The following ZC4H2 variants were observed in gnomAD, a reference collection of about 807,000 sequenced individuals.
ZC4H2 encodes the protein zinc finger C4H2-type containing.
For missense variants in ZC4H2, 137 were observed against 173.9 expected (o/e 0.79, Z 1.19); for synonymous variants, 84 against 66.3 (o/e 1.27, Z -1.30).
intron 1 of ZC4H2, among the ~76,000 whole-genome samples, chrX:64,999,469 C>T (rs993718078): frequency 8.0e-5 from 9 of 112,436 alleles, no homozygotes; most frequent in Non-Finnish European, 1.3e-4. Context: ...CCCTTGGGTG[C>T]CTATGCCACC....
intron 1 of ZC4H2, among the ~76,000 whole-genome samples, chrX:64,959,578 T>G (rs999180803): frequency 1.8e-5 from 2 of 108,903 alleles, no homozygotes; most frequent in African/African-American, 6.7e-5. Context: ...TGGTCTGAGT[T>G]CTTCTTCATA....
rs753470726 is a variant in ZC4H2, at chrX:64,921,957, C to A, written c.85G>T (p.Ala29Ser). The A allele has an allele frequency of 2.2e-5, 26 of 1,208,329 alleles. No homozygotes were observed. The South Asian group carries it at 3.2e-4, about 15-fold the overall frequency. The change falls in exon 2 of 5, where the codon GCT becomes TCT. Residue 29 changes from alanine to serine, a missense_variant. Transcript: ENST00000374839. ...NKTLQMEKIKARLKAEFEALE... is the reference protein window; with the variant it reads ...NKTLQMEKIKSRLKAEFEALE... Reference sequence around the variant, plus strand: ...GCCTCAAACTCAGCCTTCAAACGAGCCTTGATCTTCTCCATCTGCAGGGTC... The same window carrying A: ...GCCTCAAACTCAGCCTTCAAACGAGACTTGATCTTCTCCATCTGCAGGGTC...
chrX:64,943,281 T>C (rs1930376583), intron 1 of ZC4H2, among the ~76,000 whole-genome samples: 1 of 112,291 alleles, frequency 8.9e-6, no homozygotes, highest in South Asian at 3.6e-4. Flanking sequence ...AAGTGCTATG[T>C]GGTGCTGAGA....
At chrX:64,924,363 A>T (rs552371304) in intron 1 of ZC4H2, among the ~76,000 whole-genome samples, 2 of 112,403 alleles carry the variant, frequency 1.8e-5, no homozygotes, top group Middle Eastern at 4.7e-3. Flanking sequence ...TATTCAGTCA[A>T]TAATTATTTA....
intron 1 of ZC4H2, among the ~76,000 whole-genome samples, chrX:64,946,695 T>G (rs1451531801): frequency 9.0e-6 from 1 of 111,051 alleles, no homozygotes; most frequent in African/African-American, 3.3e-5. Flanking sequence ...GATAGATAAA[T>G]AGATAGATAG....
intron 1 of ZC4H2, among the ~76,000 whole-genome samples, chrX:65,011,123 A>C (rs1932751804): frequency 8.9e-6 from 1 of 111,892 alleles, no homozygotes; most frequent in African/African-American, 3.3e-5. Flanking sequence ...ACAAAAAAAA[A>C]CTTCATCATG....
chrX:65,013,829 C>T (rs1339970104), intron 1 of ZC4H2, among the ~76,000 whole-genome samples: 1 of 111,075 alleles, frequency 9.0e-6, no homozygotes, highest in Non-Finnish European at 1.9e-5. Context: ...TTTTAAGCTG[C>T]TAGATTTTAG....
At chrX:64,954,986 A>G (rs1418403566) in intron 1 of ZC4H2, among the ~76,000 whole-genome samples, 1 of 111,870 alleles carries the variant, frequency 8.9e-6, no homozygotes, top group Non-Finnish European at 1.9e-5. Flanking sequence ...TTAATTAAGC[A>G]TGGACTCATG....
chrX:64,994,881 CAAAG>C (rs1020736848), intron 1 of ZC4H2, among the ~76,000 whole-genome samples: 3 of 110,365 alleles, frequency 2.7e-5, no homozygotes, highest in African/African-American at 9.9e-5. Context: ...AACAAAAAAA[CAAAG>C]AAAATGAAAG....
chrX:64,944,684 G>A (rs1202159170), intron 1 of ZC4H2, among the ~76,000 whole-genome samples: 1 of 111,359 alleles, frequency 9.0e-6, no homozygotes, highest in Non-Finnish European at 1.9e-5. Flanking sequence ...TTCCAACTTG[G>A]TTCCATTCTC....
intron 1 of ZC4H2, among the ~76,000 whole-genome samples, chrX:64,929,565 G>T (rs752723167): frequency 3.0e-4 from 33 of 111,628 alleles, no homozygotes; most frequent in Non-Finnish European, 6.0e-4. Context: ...TGAGGATCTA[G>T]TTTCATTCTT....
chrX:65,030,116 A>C (rs1421753199), intron 1 of ZC4H2, among the ~76,000 whole-genome samples: 2 of 110,999 alleles, frequency 1.8e-5, no homozygotes, highest in Admixed American at 9.6e-5. Flanking sequence ...TTATTTTTTT[A>C]TTTTTCTTTT....
upstream of ZC4H2, chrX:64,976,588 A>T: frequency 2.3e-6 from 1 of 431,680 alleles, no homozygotes; most frequent in East Asian, 3.8e-5. Context: ...AGGCCAAGCG[A>T]GACATGCCTG....
At chrX:64,924,401 C>A (rs1226225259) in intron 1 of ZC4H2, among the ~76,000 whole-genome samples, 1 of 111,944 alleles carries the variant, frequency 8.9e-6, no homozygotes, top group Non-Finnish European at 1.9e-5. Flanking sequence ...GCCAGGCATT[C>A]ATTGTACTAG....
chrX:64,939,277 G>A (rs1184524900), intron 1 of ZC4H2, among the ~76,000 whole-genome samples: 2 of 111,621 alleles, frequency 1.8e-5, no homozygotes, highest in African/African-American at 6.5e-5. Context: ...CACTGCTCAA[G>A]GAAATAAGAG....
intron 1 of ZC4H2, among the ~76,000 whole-genome samples, chrX:64,943,320 A>C (rs745998157): frequency 8.9e-6 from 1 of 112,017 alleles, no homozygotes; most frequent in Non-Finnish European, 1.9e-5. Flanking sequence ...ATCTGGAGTG[A>C]AGAGTTCTGT....
chrX:65,001,472 C>G (rs922819094), intron 1 of ZC4H2, among the ~76,000 whole-genome samples: 2 of 111,911 alleles, frequency 1.8e-5, no homozygotes, highest in African/African-American at 3.3e-5. Context: ...AAAAACTGTA[C>G]TAATCACTGC....
intron 1 of ZC4H2, among the ~76,000 whole-genome samples, chrX:65,015,389 T>C (rs1932790737): frequency 8.9e-6 from 1 of 112,097 alleles, no homozygotes; most frequent in African/African-American, 3.2e-5. Context: ...TCAGGTCTAT[T>C]CAATTTAACT....
At chrX:64,954,338 AATTATATATATATATAATTATATATAT>A (rs1931042312) in intron 1 of ZC4H2, among the ~76,000 whole-genome samples, 2 of 73,700 alleles carry the variant, frequency 2.7e-5, no homozygotes, top group Admixed American at 3.3e-4. Flanking sequence ...ATATATATAT[AATTATATATATATATAATTATATATAT>A]ATATATAATT....
Sources: gnomAD v4.1 joint callset for allele counts (sites outside exome capture counted in the v4.1 genomes callset) on GRCh38, gnomAD v4.1.1 for gene constraint, MANE v1.5 for transcripts, NCBI Gene and HGNC (gene_info 2026-07-23, HGNC 2026-07-21) for gene names.